The following LRP1B variants were observed in gnomAD, a reference collection of about 807,000 sequenced individuals.
LRP1B encodes the protein low-density lipoprotein receptor-related protein 1B.
In LRP1B, 217 loss-of-function variants were observed where a neutral mutation model predicts 556.6. The ratio of observed to expected loss-of-function variants is 0.39; its 90% CI spans 0.35 to 0.44. The LOEUF (loss-of-function observed/expected upper bound fraction) is 0.44. LRP1B is among the 20% of genes least tolerant of loss of function. The probability of loss-of-function intolerance (pLI) is 1.00; values close to 1 mark genes in which losing one functional copy is unlikely to be tolerated. For missense variants in LRP1B, 5,053 were observed against 5,620.8 expected (o/e 0.90, Z 3.23); for synonymous variants, 2,047 against 1,865.8 (o/e 1.10, Z -2.50).
chr2:141,177,340 G>A (rs1339928969), intron 7 of LRP1B, among the ~76,000 whole-genome samples: 1 of 152,050 alleles, frequency 6.6e-6, no homozygotes, highest in African/African-American at 2.4e-5. Context: ...CTTAACTAAT[G>A]CTGTAGTTGC....
intron 1 of LRP1B, among the ~76,000 whole-genome samples, chr2:141,894,885 A>T (rs1322264446): frequency 6.6e-6 from 1 of 151,934 alleles, no homozygotes; most frequent in Non-Finnish European, 1.5e-5. Context: ...CCCTGTCTCT[A>T]CTAAAAATTA....
At chr2:141,929,493 A>G (rs1233978979) in intron 1 of LRP1B, among the ~76,000 whole-genome samples, 1 of 152,042 alleles carries the variant, frequency 6.6e-6, no homozygotes, top group East Asian at 1.9e-4. Flanking sequence ...TAAAAGACAG[A>G]AGCACAACCA....
chr2:141,112,269 T>C (rs1170038487), intron 7 of LRP1B, among the ~76,000 whole-genome samples: 1 of 152,174 alleles, frequency 6.6e-6, no homozygotes, highest in African/African-American at 2.4e-5. Flanking sequence ...AGTTGCCTGC[T>C]GCCCATTTTC....
chr2:142,059,011 T>C (rs746782930), intron 1 of LRP1B, among the ~76,000 whole-genome samples: 22 of 152,142 alleles, frequency 1.4e-4, no homozygotes, highest in Non-Finnish European at 2.9e-4. Context: ...ATGTAAAATA[T>C]GGAATTACCA....
At chr2:140,647,807 G>T (rs1359142499) in intron 41 of LRP1B, among the ~76,000 whole-genome samples, 4 of 152,224 alleles carry the variant, frequency 2.6e-5, no homozygotes, top group Non-Finnish European at 4.4e-5. Flanking sequence ...TGGAGAGGAT[G>T]TATAGAAATA....
intron 2 of LRP1B, among the ~76,000 whole-genome samples, chr2:141,521,390 C>A (rs1451309961): frequency 6.6e-6 from 1 of 151,916 alleles, no homozygotes; most frequent in African/African-American, 2.4e-5. Context: ...TTTCTTCCTC[C>A]CTCTTTTCCT....
At chr2:140,256,683 G>T (rs1452812551) in intron 86 of LRP1B, among the ~76,000 whole-genome samples, 2 of 150,702 alleles carry the variant, frequency 1.3e-5, no homozygotes, top group Non-Finnish European at 3.0e-5. Flanking sequence ...TGGCTAGGAT[G>T]GTCTCAATCT....
intron 11 of LRP1B, among the ~76,000 whole-genome samples, chr2:141,020,772 C>T (rs1698042114): frequency 6.6e-6 from 1 of 151,922 alleles, no homozygotes; most frequent in South Asian, 2.1e-4. Context: ...AATAATAATC[C>T]TTGGAGTTCA....
At chr2:141,776,420 T>A (rs986711983) in intron 2 of LRP1B, among the ~76,000 whole-genome samples, 1 of 152,236 alleles carries the variant, frequency 6.6e-6, no homozygotes, top group African/African-American at 2.4e-5. Context: ...ATATCATAGA[T>A]GCTTCACATC....
chr2:141,525,227 A>G (rs966016494), intron 2 of LRP1B, among the ~76,000 whole-genome samples: 29 of 152,086 alleles, frequency 1.9e-4, no homozygotes, highest in Non-Finnish European at 1.5e-5. Context: ...AAAGATATGG[A>G]AGTCTTCCTA....
chr2:140,415,298 T>G (rs1162150910), intron 66 of LRP1B, among the ~76,000 whole-genome samples: 1 of 151,784 alleles, frequency 6.6e-6, no homozygotes, highest in East Asian at 1.9e-4. Flanking sequence ...GCTTTTGCCC[T>G]TTGTCCTGTT....
At chr2:141,306,521 T>G (rs1280476631) in intron 3 of LRP1B, among the ~76,000 whole-genome samples, 1 of 152,112 alleles carries the variant, frequency 6.6e-6, no homozygotes, top group East Asian at 1.9e-4. Flanking sequence ...TCTTCCCTCT[T>G]TTTCTTCATT....
chr2:140,945,412 G>A (rs1372987782), intron 20 of LRP1B, among the ~76,000 whole-genome samples: 2 of 151,964 alleles, frequency 1.3e-5, no homozygotes, highest in African/African-American at 2.4e-5. Flanking sequence ...GCAACCCTAA[G>A]CAAAAAGAAT....
At chr2:141,141,923 T>C (rs1701662772) in intron 7 of LRP1B, among the ~76,000 whole-genome samples, 1 of 152,166 alleles carries the variant, frequency 6.6e-6, no homozygotes, top group Non-Finnish European at 1.5e-5. Flanking sequence ...TAGATACTTG[T>C]TTCAATGTAT....
intron 10 of LRP1B, among the ~76,000 whole-genome samples, chr2:141,054,522 C>A (rs1699124725): frequency 6.6e-6 from 1 of 151,704 alleles, no homozygotes; most frequent in Admixed American, 6.6e-5. Flanking sequence ...ATTATTCAGG[C>A]CTATTTTTAA....
intron 2 of LRP1B, among the ~76,000 whole-genome samples, chr2:141,616,821 C>T (rs1464751670): frequency 1.3e-5 from 2 of 152,170 alleles, no homozygotes; most frequent in Admixed American, 6.5e-5. Context: ...TCACTCTTTA[C>T]TGTTTTTCTG....
chr2:141,832,496 C>T (rs1041950018), intron 1 of LRP1B, among the ~76,000 whole-genome samples: 1 of 151,506 alleles, frequency 6.6e-6, no homozygotes, highest in African/African-American at 2.4e-5. Context: ...TGTCTTTAGG[C>T]GAGCTCGAAA....
At chr2:140,270,734 A>C (rs189415833) in intron 85 of LRP1B, among the ~76,000 whole-genome samples, 55 of 152,100 alleles carry the variant, frequency 3.6e-4, no homozygotes, top group Non-Finnish European at 1.9e-4. Flanking sequence ...CACATGATCA[A>C]GTACTCTGGA....
intron 2 of LRP1B, among the ~76,000 whole-genome samples, chr2:141,753,081 T>C (rs752878733): frequency 6.7e-6 from 1 of 149,316 alleles, no homozygotes; most frequent in Non-Finnish European, 1.5e-5. Context: ...AAATGCCTTC[T>C]GTATTAAAAA....
Sources: gnomAD v4.1 joint callset for allele counts (sites outside exome capture counted in the v4.1 genomes callset) on GRCh38, gnomAD v4.1.1 for gene constraint, MANE v1.5 for transcripts, NCBI Gene and HGNC (gene_info 2026-07-23, HGNC 2026-07-21) for gene names.